PRELID2: variants seen among roughly 807,000 people sequenced by gnomAD.
PRELID2 encodes the protein PRELI domain containing 2.
A neutral mutation model predicts 28.4 loss-of-function variants in PRELID2; 25 were observed. The observed-to-expected ratio is 0.88, with a 90% CI of 0.64 to 1.23. PRELID2 has a LOEUF of 1.23. PRELID2 is among the 50% of genes most tolerant of loss of function. The pLI, the probability that PRELID2 is intolerant of heterozygous loss-of-function variation, is 0.00. For missense variants in PRELID2, 201 were observed against 214.4 expected (o/e 0.94, Z 0.39); for synonymous variants, 76 against 71.6 (o/e 1.06, Z -0.31).
intron 1 of PRELID2, among the ~76,000 whole-genome samples, chr5:145,518,925 T>G (rs1222345738): frequency 6.6e-6 from 1 of 152,200 alleles, no homozygotes; most frequent in Non-Finnish European, 1.5e-5. Context: ...TATGGTAAAC[T>G]CAATTTTGAC....
the PRELID2 span, among the ~76,000 whole-genome samples, chr5:145,451,823 A>C: frequency 1.3e-5 from 2 of 152,124 alleles, no homozygotes; most frequent in East Asian, 3.9e-4. Context: ...CAAAAGTAAA[A>C]TTGTCATCAA....
chr5:145,422,562 C>T, the PRELID2 span, among the ~76,000 whole-genome samples: 1 of 151,058 alleles, frequency 6.6e-6, no homozygotes, highest in African/African-American at 2.4e-5. Flanking sequence ...CAACCCCTGC[C>T]TTTTTTTTTG....
the PRELID2 span, among the ~76,000 whole-genome samples, chr5:145,350,129 C>T: frequency 0.22 from 32,954 of 152,072 alleles, 3,877 homozygotes; most frequent in South Asian, 0.33. Context: ...TTAATTTTGT[C>T]ATCTGTAAAA....
the PRELID2 span, among the ~76,000 whole-genome samples, chr5:145,289,469 T>C: frequency 6.6e-6 from 1 of 152,158 alleles, no homozygotes; most frequent in Non-Finnish European, 1.5e-5. Context: ...TTCTGGTGTA[T>C]GGGTATACCA....
intron 1 of PRELID2, among the ~76,000 whole-genome samples, chr5:145,569,580 C>A (rs1752999841): frequency 6.6e-6 from 1 of 152,112 alleles, no homozygotes; most frequent in South Asian, 2.1e-4. Flanking sequence ...GGCAGCAAGA[C>A]CTGACTGGGC....
At chr5:145,502,644 GACC>G (rs1325127377) in intron 1 of PRELID2, among the ~76,000 whole-genome samples, 4 of 152,124 alleles carry the variant, frequency 2.6e-5, no homozygotes, top group Non-Finnish European at 5.9e-5. Context: ...TGAGGGCAGA[GACC>G]ACGTCTCATT....
intron 4 of PRELID2, among the ~76,000 whole-genome samples, chr5:145,797,065 G>A (rs545951625): frequency 6.6e-6 from 1 of 152,214 alleles, no homozygotes; most frequent in African/African-American, 2.4e-5. Context: ...ATTGGAGAAG[G>A]GGTGAGACAG....
chr5:145,570,343 A>G (rs1320119481), intron 1 of PRELID2, among the ~76,000 whole-genome samples: 1 of 152,246 alleles, frequency 6.6e-6, no homozygotes, highest in East Asian at 1.9e-4. Context: ...CAACATTCAC[A>G]TGAACATACT....
the PRELID2 span, among the ~76,000 whole-genome samples, chr5:145,415,723 T>C: frequency 2.6e-5 from 4 of 151,830 alleles, no homozygotes; most frequent in Non-Finnish European, 5.9e-5. Context: ...CTATTGTGAA[T>C]AGTGCCACAA....
At chr5:145,381,327 G>A in the PRELID2 span, among the ~76,000 whole-genome samples, 4 of 152,036 alleles carry the variant, frequency 2.6e-5, no homozygotes, top group Non-Finnish European at 5.9e-5. Context: ...AAAATGAGGA[G>A]GGAAATCCTG....
At chr5:145,453,709 G>A in the PRELID2 span, among the ~76,000 whole-genome samples, 6 of 152,186 alleles carry the variant, frequency 3.9e-5, no homozygotes, top group Admixed American at 6.5e-5. Flanking sequence ...ATGAGAACAC[G>A]CGGTGTTTGG....
chr5:145,704,491 A>T (rs1412514750), intron 1 of PRELID2, among the ~76,000 whole-genome samples: 2 of 152,222 alleles, frequency 1.3e-5, no homozygotes, highest in African/African-American at 4.8e-5. Flanking sequence ...CTGCATACTC[A>T]TATTTGACAA....
downstream of PRELID2, among the ~76,000 whole-genome samples, chr5:145,751,985 AAAAAG>A (rs1187621261): frequency 6.6e-6 from 1 of 152,180 alleles, no homozygotes; most frequent in Non-Finnish European, 1.5e-5. Context: ...TGCATCTCAA[AAAAAG>A]AAAAGTTTTT....
intron 1 of PRELID2, among the ~76,000 whole-genome samples, chr5:145,513,516 T>A (rs1045326597): frequency 2.6e-5 from 4 of 152,050 alleles, no homozygotes; most frequent in Non-Finnish European, 5.9e-5. Flanking sequence ...GTTTGATTGG[T>A]GTACTGAAAG....
At chr5:145,661,026 G>A (rs1754483378) in intron 1 of PRELID2, among the ~76,000 whole-genome samples, 1 of 152,162 alleles carries the variant, frequency 6.6e-6, no homozygotes, top group South Asian at 2.1e-4. Flanking sequence ...AGAAAGTGCA[G>A]CATCACCTAA....
the PRELID2 span, among the ~76,000 whole-genome samples, chr5:145,299,642 T>C: frequency 4.9e-5 from 4 of 80,970 alleles, no homozygotes; most frequent in Admixed American, 5.3e-4. Flanking sequence ...TATATGTGTG[T>C]GCGTGTGTGT....
At chr5:145,668,138 G>A (rs1167437555) in intron 1 of PRELID2, among the ~76,000 whole-genome samples, 2 of 152,014 alleles carry the variant, frequency 1.3e-5, no homozygotes, top group African/African-American at 2.4e-5. Context: ...CAAAGATTTA[G>A]TGTTCCCCTG....
chr5:145,586,672 A>G (rs1050836638), intron 1 of PRELID2, among the ~76,000 whole-genome samples: 1 of 152,112 alleles, frequency 6.6e-6, no homozygotes, highest in Non-Finnish European at 1.5e-5. Flanking sequence ...TCCACCCCAC[A>G]GAAGTCCCCA....
the PRELID2 span, among the ~76,000 whole-genome samples, chr5:145,263,800 A>G: frequency 6.6e-6 from 1 of 151,958 alleles, no homozygotes; most frequent in African/African-American, 2.4e-5. Flanking sequence ...ACAATAGAAA[A>G]TCTGAACAGA....
Sources: gnomAD v4.1 joint callset for allele counts (sites outside exome capture counted in the v4.1 genomes callset) on GRCh38, gnomAD v4.1.1 for gene constraint, MANE v1.5 for transcripts, NCBI Gene and HGNC (gene_info 2026-07-23, HGNC 2026-07-21) for gene names.